The following IFNL2 variants were observed in gnomAD, a reference collection of about 807,000 sequenced individuals.
IFNL2 encodes interferon lambda-2.
IFNL2 carries 17 observed loss-of-function variants against 18.7 expected under a neutral mutation model. The ratio of observed to expected loss-of-function variants is 0.91; its 90% CI spans 0.62 to 1.36. The LOEUF (loss-of-function observed/expected upper bound fraction) is 1.36. Among genes scored for constraint, IFNL2 ranks in the 40% most tolerant of loss-of-function variants. IFNL2 has a pLI of 0.00. For missense variants in IFNL2, 225 were observed against 257.3 expected, an observed-to-expected ratio of 0.87 and a Z score of 0.86; for synonymous variants, 96 against 113.4, an observed-to-expected ratio of 0.85 and a Z score of 0.98.
Position 39,269,785 on chromosome 19 carries a change from C to T in IFNL2, c.468C>T (p.His156=), listed in dbSNP as rs769144371. The T allele has an allele frequency of 4.0e-5, 64 of 1,609,662 alleles. 1 individual carries two copies. Among genetic ancestry groups the T allele is most frequent in the South Asian group, 1.9e-4 (17 of 90,202 alleles). Residue 156 remains histidine, a synonymous_variant, in exon 5 of 6, where the codon CAC becomes CAT. Coordinates refer to ENST00000331982, the MANE Select transcript of IFNL2 (RefSeq NM_172138.2). ...TAGPRTRGRL[H]HWLYRLQEAP... The stretch of plus-strand genomic sequence containing the variant: ...GGCCCAGGACCCGGGGCCGCCTCCA[C>T]CATTGGCTGTACCGGCTCCAGGAGG...
Position 39,268,737 on chromosome 19 carries a change from G to C in IFNL2, c.71G>C (p.Gly24Ala), listed in dbSNP as rs372103073. ...VLMAAVLTVTGAVPVARLHGA... is the reference protein window; with the variant it reads ...VLMAAVLTVTAAVPVARLHGA... ...ATGGCCGCAGTGCTGACCGTGACTG[G>C]AGCAGTTCCTGTCGCCAGGCTCCAC... The change falls in exon 2 of 6, where the codon GGA (glycine) becomes GCA (alanine). Residue 24 changes from glycine (G) to alanine (A), a missense_variant. Physicochemically the swap from Gly to Ala is moderately conservative, Grantham distance 60. Transcript: ENST00000331982. 263 of 1,612,844 alleles carry C rather than the reference G, an allele frequency of 1.6e-4. 4 individuals carry two copies. The African/African-American group carries it at 1.8e-3, about 11-fold the overall frequency.
At chr19:39,269,381 G>C (rs1323351056) in intron 3 of IFNL2, 107 bp from the exon 4 acceptor site, 2 of 1,514,478 alleles carry the variant, frequency 1.3e-6, no homozygotes, top group East Asian at 4.8e-5. Context: ...CACACTGGCT[G>C]TGCCCTCTCC....
intron 2 of IFNL2, 64 bp downstream of exon 2, chr19:39,268,922 C>T: frequency 6.4e-7 from 1 of 1,560,346 alleles, no homozygotes; most frequent in Non-Finnish European, 8.7e-7. Flanking sequence ...CGTCACCATG[C>T]TTTCCCACTC....
intron 3 of IFNL2, 73 bp downstream of exon 3, chr19:39,269,302 G>A (rs1480654081): frequency 1.2e-5 from 18 of 1,522,950 alleles, no homozygotes; most frequent in Non-Finnish European, 1.2e-5. Flanking sequence ...CCCCTTCACC[G>A]TCTCTTTCTC....
chr19:39,268,604 T>C, intron 1 of IFNL2, 26 bp downstream of exon 1: 4 of 1,613,666 alleles, frequency 2.5e-6, no homozygotes, highest in Non-Finnish European at 3.4e-6. Flanking sequence ...CTGTCCGTGC[T>C]CAGCTCCTGC....
rs1229695496 is a variant in IFNL2, at chr19:39,269,555, C to T, written c.338C>T (p.Ala113Val). 1 of 1,614,212 alleles carries T rather than the reference C, an allele frequency of 6.2e-7. No individual in the cohort carries two copies. Among genetic ancestry groups the T allele is most frequent in the Non-Finnish European group, 8.5e-7 (1 of 1,180,022 alleles). Residue 113 changes from alanine (A) to valine (V), a missense_variant, in exon 4 of 6, where the codon GCT becomes GTT. Physicochemically the swap from Ala to Val is moderately conservative, Grantham distance 64 (BLOSUM62 0). Coordinates refer to ENST00000331982, the MANE Select transcript of IFNL2 (RefSeq NM_172138.2). ...ALTLKVLEAT[A>V]DTDPALVDVL... ...ACGCTGAAGGTTCTGGAGGCCACCG[C>T]TGACACTGACCCAGCCCTGGTGGAC...
At chr19:39,269,891 T>C (rs1245661803) in intron 5 of IFNL2, 24 bp from the exon 6 acceptor site, 2 of 1,608,728 alleles carry the variant, frequency 1.2e-6, no homozygotes, top group East Asian at 4.5e-5. Context: ...AGACAGCCCC[T>C]GACCCATCCC....
intron 2 of IFNL2, 88 bp from the exon 3 acceptor site, chr19:39,269,064 A>G: frequency 6.8e-7 from 1 of 1,472,536 alleles, no homozygotes; most frequent in Non-Finnish European, 9.3e-7. Flanking sequence ...AACCTCCCCT[A>G]TCCTGTTGTC....
chr19:39,269,142 T>A lies in IFNL2; in HGVS notation c.193-10T>A. ...TCCTGCTGGGGCTAACCTGTGCCTT[T>A]GCTGTCTAGGAAGAGTCGCTTCTGC... On this transcript the variant is annotated splice_polypyrimidine_tract_variant and intron_variant, in intron 2 of 5. Coordinates refer to ENST00000331982, the MANE Select transcript of IFNL2 (RefSeq NM_172138.2). 3 of 1,610,836 alleles carry A rather than the reference T, an allele frequency of 1.9e-6. No individual in the cohort carries two copies. The highest frequency in any genetic ancestry group is 2.5e-6 in the Non-Finnish European group (3 of 1,178,836).
At position 39,268,793 on chromosome 19, in the gene IFNL2, A is replaced by G; in HGVS notation, c.127A>G (p.Ile43Val). The change falls in exon 2 of 6, where the codon ATA becomes GTA. Residue 43 changes from isoleucine to valine, a missense_variant. Ile to Val is a conservative substitution (Grantham distance 29). Coordinates refer to ENST00000331982, the MANE Select transcript of IFNL2 (RefSeq NM_172138.2). Reference sequence around the variant, plus strand: ...TCTCCCGGATGCAAGGGGCTGCCACATAGCCCAGTTCAAGTCCCTGTCTCC... The same window carrying G: ...TCTCCCGGATGCAAGGGGCTGCCACGTAGCCCAGTTCAAGTCCCTGTCTCC... ...GALPDARGCHIAQFKSLSPQE... is the reference protein window; with the variant it reads ...GALPDARGCHVAQFKSLSPQE... 1.2e-6 allele frequency: 2 copies of G among 1,613,776 alleles called. No individual in the cohort carries two copies. Among genetic ancestry groups the G allele is most frequent in the Non-Finnish European group, 1.7e-6 (2 of 1,179,842 alleles).
rs759127860 is a variant in IFNL2, at chr19:39,269,502, C to T, written c.285C>T (p.Pro95=). 5.0e-5 allele frequency: 80 copies of T among 1,614,100 alleles called. No homozygotes were observed. The highest frequency in any genetic ancestry group is 3.3e-4 in the Middle Eastern group (2 of 6,084). Residue 95 remains proline (P), a synonymous_variant, in exon 4 of 6, where the codon CCC becomes CCT. Coordinates refer to ENST00000331982, the MANE Select transcript of IFNL2 (RefSeq NM_172138.2). Reference sequence around the variant, plus strand: ...CCTCTCCTCAGGTGAGGGAGCGCCCCATGGCTTTGGAGGCTGAGCTGGCCC... The same window carrying T: ...CCTCTCCTCAGGTGAGGGAGCGCCCTATGGCTTTGGAGGCTGAGCTGGCCC... ...DLRQLQVRER[P]MALEAELALT... is the part of the protein sequence containing the mutation.
Position 39,269,982 on chromosome 19 carries a change from A to G in IFNL2, c.572A>G (p.Asn191Ser). The G allele has an allele frequency of 1.9e-6, 3 of 1,602,562 alleles. No individual in the cohort carries two copies. Among genetic ancestry groups the G allele is most frequent in the Non-Finnish European group, 2.6e-6 (3 of 1,174,364 alleles). ...NLFRLLTRDL[N>S]CVASGDLCV Reference sequence around the variant, plus strand: ...TTCCGCCTCCTCACGCGAGACCTGAATTGTGTTGCCAGTGGGGACCTGTGT... The same window carrying G: ...TTCCGCCTCCTCACGCGAGACCTGAGTTGTGTTGCCAGTGGGGACCTGTGT... The change falls in exon 6 of 6, where the codon AAT becomes AGT. Residue 191 changes from asparagine (N) to serine (S), a missense_variant. Asn to Ser is a conservative substitution (Grantham distance 46). Coordinates refer to ENST00000331982, the MANE Select transcript of IFNL2 (RefSeq NM_172138.2).
At chr19:39,269,690 T>C (rs747743492) in intron 4 of IFNL2, 48 bp from the exon 5 acceptor site, 166 of 1,609,512 alleles carry the variant, frequency 1.0e-4, no homozygotes, top group Non-Finnish European at 1.3e-4. Flanking sequence ...GCAGCGTCCT[T>C]CCCCTTGCCA....
intron 2 of IFNL2, 122 bp from the exon 3 acceptor site, chr19:39,269,030 T>A (rs550650355): frequency 7.4e-7 from 1 of 1,355,810 alleles, no homozygotes; most frequent in Admixed American, 2.1e-5. Flanking sequence ...TAGAAGAGGG[T>A]CCTCTACCAT....
At position 39,270,104 on chromosome 19, in the gene IFNL2, T is replaced by C. The variant is rs1401824879; in HGVS notation, c.*91T>C. 91 of 1,396,902 alleles carry C rather than the reference T, an allele frequency of 6.5e-5. No homozygotes were observed. The highest frequency in any genetic ancestry group is 7.9e-6 in the Non-Finnish European group (8 of 1,014,708). The allele number at this position is 1,396,902 out of a possible 1,614,324, so 86.5% of individuals were successfully genotyped here. A position where few individuals can be genotyped will look rare whatever the true frequency, so the allele number is the denominator to read the frequency against. On this transcript the variant is annotated 3_prime_UTR_variant, in exon 6 of 6. Transcript: ENST00000331982. ...CACCCAGTCGCTATTTATGTATTTG[T>C]GTGTGTAAATCCAACTCACCTCCAG...
intron 2 of IFNL2, 72 bp downstream of exon 2, chr19:39,268,930 C>A (rs1251899020): frequency 6.5e-7 from 1 of 1,546,918 alleles, no homozygotes; most frequent in Admixed American, 1.9e-5. Context: ...TGCTTTCCCA[C>A]TCCCAGCTTC....
chr19:39,268,669 T>C lies in IFNL2; in HGVS notation c.11-8T>C. On this transcript the variant is annotated splice_region_variant and splice_polypyrimidine_tract_variant and intron_variant, in intron 1 of 5. Transcript: ENST00000331982. ...ATCCCCTCAGCTCCCTTTCTCTCTGTGACACAGACATGACTGGGGACTGCA... is the reference window on the plus strand; with the variant it reads ...ATCCCCTCAGCTCCCTTTCTCTCTGCGACACAGACATGACTGGGGACTGCA... The C allele has an allele frequency of 1.2e-6, 2 of 1,613,712 alleles. No homozygotes were observed. Among genetic ancestry groups the C allele is most frequent in the Non-Finnish European group, 8.5e-7 (1 of 1,179,866 alleles).
chr19:39,268,729 C>G lies in IFNL2; in HGVS notation c.63C>G (p.Thr21=). Residue 21 remains threonine (T), a synonymous_variant, in exon 2 of 6, where the codon ACC becomes ACG. Coordinates refer to ENST00000331982, the MANE Select transcript of IFNL2 (RefSeq NM_172138.2). The part of the protein sequence containing the change: ...PVLVLMAAVL[T]VTGAVPVARL... ...TGGTGCTGATGGCCGCAGTGCTGAC[C>G]GTGACTGGAGCAGTTCCTGTCGCCA... The G allele has an allele frequency of 3.7e-6, 6 of 1,613,206 alleles. No homozygotes were observed. In the South Asian group the frequency reaches 4.4e-5, roughly 12 times the overall value.
chr19:39,268,524 C>G lies in IFNL2; in HGVS notation c.-45C>G. 4 of 1,588,078 alleles carry G rather than the reference C, an allele frequency of 2.5e-6. No individual in the cohort carries two copies. The highest frequency in any genetic ancestry group is 3.4e-6 in the Non-Finnish European group (4 of 1,162,864). ...CAAGACCCAAACAGACCCTGGGTGA[C>G]AGCCTCAGAGTGTTTCTTCTGCTGA... On this transcript the variant is annotated 5_prime_UTR_variant, in exon 1 of 6. Transcript: ENST00000331982.
Sources: gnomAD v4.1 joint callset for allele counts on GRCh38, gnomAD v4.1.1 for gene constraint, MANE v1.5 for transcripts, NCBI Gene and HGNC (gene_info 2026-07-23, HGNC 2026-07-21) for gene names.